UBTD2: variants seen among roughly 807,000 people sequenced by gnomAD.
UBTD2 encodes the protein ubiquitin domain-containing protein 2.
Under a neutral mutation model 19.8 loss-of-function variants are expected in UBTD2, and 9 were observed. That is an observed-to-expected ratio of 0.46 (90% confidence interval 0.27 to 0.79). The LOEUF is 0.79. UBTD2 is among the 30% of genes least tolerant of loss of function. The probability of loss-of-function intolerance (pLI) is 0.14; values close to 1 mark genes in which losing one functional copy is unlikely to be tolerated. For missense variants in UBTD2, 250 were observed against 300.4 expected (o/e 0.83, Z 1.24); for synonymous variants, 98 against 103.9 (o/e 0.94, Z 0.35).
At chr5:172,241,448 C>T (rs1772125253) in intron 1 of UBTD2, among the ~76,000 whole-genome samples, 1 of 150,944 alleles carries the variant, frequency 6.6e-6, no homozygotes. Context: ...CCCACTATCT[C>T]CACTTTTAAC....
intron 1 of UBTD2, among the ~76,000 whole-genome samples, chr5:172,270,159 A>G (rs1166226492): frequency 6.6e-6 from 1 of 151,378 alleles, no homozygotes; most frequent in Non-Finnish European, 1.5e-5. Context: ...GGCTCACTGC[A>G]GCCTTGAACT....
At chr5:172,237,486 T>C (rs1473008423) in intron 1 of UBTD2, among the ~76,000 whole-genome samples, 2 of 152,226 alleles carry the variant, frequency 1.3e-5, no homozygotes, top group African/African-American at 4.8e-5. Context: ...TCTGCCTGTA[T>C]TATAAACATA....
Position 172,211,913 on chromosome 5 carries a change from C to T in UBTD2, c.622G>A (p.Glu208Lys). The change falls in exon 3 of 3, where the codon GAA becomes AAA. Residue 208 changes from glutamate (E) to lysine (K), a missense_variant. Physicochemically the swap from Glu to Lys is moderately conservative, Grantham distance 56. Transcript: ENST00000393792. ...TAGTCCTTTGGGATCTTCAGCTCTT[C>T]GAACTTCATTTTGTCAGTGAGAGGT... is the stretch of plus-strand genomic sequence containing the variant. The part of the protein sequence containing the change: ...GRPLTDKMKF[E>K]ELKIPKDYVV... 1 of 1,614,188 alleles carries T rather than the reference C, an allele frequency of 6.2e-7. No homozygotes were observed. The highest frequency in any genetic ancestry group is 8.5e-7 in the Non-Finnish European group (1 of 1,180,038).
chr5:172,253,766 T>C (rs1007944216), intron 1 of UBTD2, among the ~76,000 whole-genome samples: 1 of 133,692 alleles, frequency 7.5e-6, no homozygotes, highest in Non-Finnish European at 1.6e-5. Flanking sequence ...CCCAATGAAT[T>C]CTTAAATTTT....
intron 1 of UBTD2, among the ~76,000 whole-genome samples, chr5:172,238,906 G>C (rs1234946656): frequency 6.6e-6 from 1 of 152,144 alleles, no homozygotes; most frequent in Non-Finnish European, 1.5e-5. Context: ...GGAAGCATCA[G>C]TTTCCATAAG....
intron 1 of UBTD2, among the ~76,000 whole-genome samples, chr5:172,251,073 G>A (rs916716320): frequency 2.0e-4 from 30 of 151,860 alleles, no homozygotes; most frequent in African/African-American, 2.7e-4. Context: ...CCAGCACTTC[G>A]GGAGGCCGAG....
chr5:172,230,537 GT>G (rs1265622100), intron 2 of UBTD2, among the ~76,000 whole-genome samples: 3 of 66,862 alleles, frequency 4.5e-5, no homozygotes, highest in African/African-American at 3.6e-4. Context: ...ATCCCAAGAG[GT>G]AAGACAGTTA....
chr5:172,219,760 C>T (rs1022879832), intron 2 of UBTD2, among the ~76,000 whole-genome samples: 7 of 152,094 alleles, frequency 4.6e-5, no homozygotes, highest in Admixed American at 1.3e-4. Flanking sequence ...CTAGTTTTGC[C>T]GTGGCACTTC....
At chr5:172,223,356 G>C (rs2113880341) in intron 2 of UBTD2, among the ~76,000 whole-genome samples, 1 of 152,036 alleles carries the variant, frequency 6.6e-6, no homozygotes, top group Non-Finnish European at 1.5e-5. Flanking sequence ...TGTAATCCCA[G>C]CACTTTGGGA....
At chr5:172,223,895 G>C (rs1431616693) in intron 2 of UBTD2, among the ~76,000 whole-genome samples, 1 of 152,070 alleles carries the variant, frequency 6.6e-6, no homozygotes, top group African/African-American at 2.4e-5. Context: ...AAATACAAGG[G>C]ATAAAAAGTT....
intron 1 of UBTD2, among the ~76,000 whole-genome samples, chr5:172,265,935 T>TG (rs1172725309): frequency 2.6e-5 from 4 of 151,358 alleles, no homozygotes; most frequent in Admixed American, 6.6e-5. Flanking sequence ...TTGTTTTTTT[T>TG]TTTGTTTTTC....
chr5:172,212,272 T>C (rs764424760), intron 2 of UBTD2, 45 bp from the exon 3 acceptor site: 74 of 1,530,868 alleles, frequency 4.8e-5, no homozygotes, highest in Middle Eastern at 3.6e-4. Flanking sequence ...CCTTAATGAA[T>C]GCATTTTTGT....
rs565924082 is a variant in UBTD2 at position 172,274,767 on chromosome 5, G to A, written c.70+8829C>T. On this transcript the variant is annotated intron_variant, in intron 1 of 2. Coordinates refer to ENST00000393792, the MANE Select transcript of UBTD2 (RefSeq NM_152277.3). ...TATAAAGAACTGCCTGAGGCCAGGCGCGGTGGCTCATGCCTGTAATCCCAG... is the reference window on the plus strand; with the variant it reads ...TATAAAGAACTGCCTGAGGCCAGGCACGGTGGCTCATGCCTGTAATCCCAG... Among the ~76,000 whole-genome samples, 25 of 152,012 alleles carry A rather than the reference G, an allele frequency of 1.6e-4. 1 individual carries two copies. The highest frequency in any genetic ancestry group is 1.3e-3 in the Admixed American group (20 of 15,270).
intron 2 of UBTD2, among the ~76,000 whole-genome samples, chr5:172,220,096 G>A (rs1042751061): frequency 6.6e-6 from 1 of 152,076 alleles, no homozygotes; most frequent in Non-Finnish European, 1.5e-5. Context: ...AAATATTAAT[G>A]AATCAAATTC....
chr5:172,234,152 T>C lies in UBTD2; in HGVS notation c.277A>G (p.Ile93Val). The C allele has an allele frequency of 1.9e-6, 3 of 1,614,208 alleles. No individual in the cohort carries two copies. Among genetic ancestry groups the C allele is most frequent in the Non-Finnish European group, 2.5e-6 (3 of 1,180,034 alleles). Residue 93 changes from isoleucine (I) to valine (V), a missense_variant, in exon 2 of 3, where the codon ATT (isoleucine) becomes GTT (valine). Physicochemically the swap from Ile to Val is conservative, Grantham distance 29. Transcript: ENST00000393792. Reference protein sequence around the residue: ...SNDHELAQAIIDGANITLPHG... With the variant: ...SNDHELAQAIVDGANITLPHG... ...GGTAATGTTATGTTTGCACCATCAATGATTGCTTGTGCCAGTTCATGATCA... is the reference window on the plus strand; with the variant it reads ...GGTAATGTTATGTTTGCACCATCAACGATTGCTTGTGCCAGTTCATGATCA...
rs1755769680 is a variant in UBTD2, at chr5:172,283,580, C to T, written c.70+16G>A. On this transcript the variant is annotated intron_variant, in intron 1 of 2. Coordinates refer to ENST00000393792, the MANE Select transcript of UBTD2 (RefSeq NM_152277.3). This position sits in a 1 kb window ranked among gnomAD's most constrained non-coding sequence, Gnocchi z 4.3. ...GAACAATGGGGGGCCGAGGCTGCCC[C>T]CTGGCGCTCACCTACCTCCGGTGCC... 7.7e-7 allele frequency: 1 copy of T among 1,300,654 alleles called. No individual in the cohort carries two copies. The highest frequency in any genetic ancestry group is 3.6e-5 in the Admixed American group (1 of 27,646). The allele number at this position is 1,300,654 out of a possible 1,614,324, so 80.6% of individuals were successfully genotyped here.
chr5:172,259,272 A>G (rs556287530), intron 1 of UBTD2, among the ~76,000 whole-genome samples: 1 of 152,100 alleles, frequency 6.6e-6, no homozygotes, highest in East Asian at 1.9e-4. Context: ...CCTCCCCAGT[A>G]GCTGGGACTA....
At chr5:172,250,889 G>A (rs888901412) in intron 1 of UBTD2, among the ~76,000 whole-genome samples, 10 of 118,562 alleles carry the variant, frequency 8.4e-5, no homozygotes, top group East Asian at 2.8e-4. Flanking sequence ...AGCTGTGATC[G>A]TACCACTGCA....
rs114998562 is a variant in UBTD2, at chr5:172,253,106, T to C, written c.71-18748A>G. Reference sequence around the variant, plus strand: ...GTGTAGTGGCACCACCATAGCTCAGTGCAGACTCAAACTCCTGGGCTCAAG... The same window carrying C: ...GTGTAGTGGCACCACCATAGCTCAGCGCAGACTCAAACTCCTGGGCTCAAG... On this transcript the variant is annotated intron_variant, in intron 1 of 2. Transcript: ENST00000393792. 6.6e-3 allele frequency among the ~76,000 whole-genome samples: 1,002 copies of C among 152,236 alleles called. 9 individuals are homozygous for C. The highest frequency in any genetic ancestry group is 0.019 in the African/African-American group (783 of 41,554).
Sources: allele counts gnomAD v4.1 joint callset (sites outside exome capture counted in the v4.1 genomes callset), GRCh38; gene constraint gnomAD v4.1.1; non-coding constraint Gnocchi (gnomAD v3.1); transcripts MANE v1.5; gene names NCBI Gene and HGNC (gene_info 2026-07-23, HGNC 2026-07-21).